GK3: variants seen among roughly 807,000 people sequenced by gnomAD.
GK3 encodes glycerol kinase 3 pseudogene.
the GK3 span, chr4:165,279,078 C>T: frequency 2.5e-5 from 39 of 1,538,578 alleles, no homozygotes; most frequent in East Asian, 6.7e-5. Context: ...CCTCCATTGA[C>T]GCCTCCTGTC....
chr4:165,279,369 G>A, the GK3 span: 1 of 1,581,902 alleles, frequency 6.3e-7, no homozygotes, highest in Non-Finnish European at 8.7e-7. Flanking sequence ...GTTTCCCTCT[G>A]GTTGCTGACA....
the GK3 span, chr4:165,279,068 C>A: frequency 1.2e-5 from 18 of 1,519,054 alleles, no homozygotes; most frequent in Non-Finnish European, 1.6e-5. Context: ...ACAGTGGACA[C>A]CTCCATTGAC....
At chr4:165,278,535 A>G in the GK3 span, 2 of 1,609,896 alleles carry the variant, frequency 1.2e-6, no homozygotes, top group Non-Finnish European at 8.5e-7. Flanking sequence ...GGCTCCCAAT[A>G]AGGTGCATAT....
chr4:165,279,610 C>T, the GK3 span: 6 of 1,611,362 alleles, frequency 3.7e-6, no homozygotes, highest in East Asian at 1.3e-4. Context: ...CTGCCCCCAC[C>T]AATGGCCCCA....
At chr4:165,279,114 T>C in the GK3 span, 1 of 1,594,252 alleles carries the variant, frequency 6.3e-7, no homozygotes, top group Non-Finnish European at 8.6e-7. Context: ...CATGAATCAA[T>C]AGTCCCAAAA....
chr4:165,278,963 T>C, the GK3 span: 1 of 1,494,716 alleles, frequency 6.7e-7, no homozygotes, highest in Non-Finnish European at 9.3e-7. Flanking sequence ...TGGAAGAATT[T>C]CCATTGGAAT....
At chr4:165,277,975 T>C in the GK3 span, 1 of 1,165,584 alleles carries the variant, frequency 8.6e-7, no homozygotes. Context: ...ATCCATGAGT[T>C]GGTAGGTTTT....
the GK3 span, chr4:165,278,406 C>T: frequency 3.6e-6 from 5 of 1,383,670 alleles, no homozygotes; most frequent in African/African-American, 1.4e-5. Flanking sequence ...ATTCCACAGT[C>T]TCGATTCATG....
the GK3 span, chr4:165,278,255 C>T: frequency 2.3e-5 from 25 of 1,105,776 alleles, no homozygotes; most frequent in Non-Finnish European, 3.2e-5. Context: ...TTCTGCAGCC[C>T]CTGCCGCCAT....
the GK3 span, chr4:165,279,017 A>G: frequency 6.6e-7 from 1 of 1,509,288 alleles, no homozygotes; most frequent in East Asian, 2.3e-5. Context: ...CAAAGAATGA[A>G]TGTTGAAAAG....
At chr4:165,278,751 C>A in the GK3 span, 77 of 1,584,674 alleles carry the variant, frequency 4.9e-5, no homozygotes, top group African/African-American at 8.7e-4. Flanking sequence ...GTGAGAAGGC[C>A]ATGATCAGAA....
At chr4:165,278,882 C>T in the GK3 span, 13 of 1,475,802 alleles carry the variant, frequency 8.8e-6, no homozygotes, top group Non-Finnish European at 1.2e-5. Flanking sequence ...CCCTAAACAC[C>T]CAGATATTGG....
chr4:165,278,657 CG>C, the GK3 span: 1 of 1,597,392 alleles, frequency 6.3e-7, no homozygotes, highest in East Asian at 2.2e-5. Context: ...TCTTAGCCAG[CG>C]AATAACAGCA....
the GK3 span, chr4:165,279,068 C>G: frequency 2.6e-6 from 4 of 1,518,936 alleles, no homozygotes; most frequent in East Asian, 9.0e-5. Flanking sequence ...ACAGTGGACA[C>G]CTCCATTGAC....
chr4:165,278,578 A>G, the GK3 span: 6 of 1,605,990 alleles, frequency 3.7e-6, no homozygotes, highest in Non-Finnish European at 5.1e-6. Flanking sequence ...AGTAGCAGCC[A>G]TAAGAAGTAC....
chr4:165,278,740 G>A, the GK3 span: 10 of 1,587,546 alleles, frequency 6.3e-6, no homozygotes, highest in Middle Eastern at 5.0e-4. Flanking sequence ...AAGCCACTGT[G>A]GTGAGAAGGC....
chr4:165,279,252 C>T, the GK3 span: 4 of 1,536,540 alleles, frequency 2.6e-6, no homozygotes, highest in Non-Finnish European at 3.6e-6. Context: ...TTATTATTTC[C>T]TGGAATTCTT....
the GK3 span, chr4:165,278,518 T>A: frequency 1.9e-5 from 31 of 1,608,914 alleles, no homozygotes; most frequent in Non-Finnish European, 2.6e-5. Flanking sequence ...TTATCCCTCT[T>A]GCGCTGGGCT....
the GK3 span, chr4:165,279,577 C>T: frequency 6.4e-5 from 103 of 1,600,550 alleles, no homozygotes; most frequent in Admixed American, 7.8e-4. Context: ...CCAAAAAGCG[C>T]GTGGAACTGG....
Sources: gnomAD v4.1 joint callset for allele counts on GRCh38, gnomAD v4.1.1 for gene constraint, MANE v1.5 for transcripts, NCBI Gene and HGNC (gene_info 2026-07-23, HGNC 2026-07-21) for gene names.